The following WDPCP variants were observed in gnomAD, a reference collection of about 807,000 sequenced individuals.
The protein encoded by WDPCP is WD repeat containing planar cell polarity effector.
WDPCP carries 71 observed loss-of-function variants against 93.1 expected under a neutral mutation model. That is an observed-to-expected ratio of 0.76 (90% confidence interval 0.63 to 0.93). The LOEUF (loss-of-function observed/expected upper bound fraction) is 0.93, where lower values mean the gene tolerates loss of function less well. Ranked by LOEUF, WDPCP falls within the 40% of genes least tolerant of loss-of-function variation. The pLI, the probability that WDPCP is intolerant of heterozygous loss-of-function variation, is 0.00. For synonymous variants in WDPCP, 315 were observed against 315.0 expected (o/e 1.00, Z 0.00); for missense variants, 844 against 887.4 (o/e 0.95, Z 0.62).
chr2:63,541,680 G>A (rs1358537353), intron 1 of WDPCP, among the ~76,000 whole-genome samples: 1 of 152,086 alleles, frequency 6.6e-6, no homozygotes, highest in African/African-American at 2.4e-5. Context: ...AAGGTAAGGC[G>A]ATAAGAGTCA....
intron 1 of WDPCP, among the ~76,000 whole-genome samples, chr2:63,822,474 A>T (rs963504038): frequency 6.6e-6 from 1 of 152,188 alleles, no homozygotes; most frequent in African/African-American, 2.4e-5. Flanking sequence ...CACACACTAA[A>T]TTTGGATTTT....
chr2:63,157,028 C>CAGA (rs1672304878), intron 15 of WDPCP, among the ~76,000 whole-genome samples: 8 of 148,154 alleles, frequency 5.4e-5, no homozygotes, highest in Non-Finnish European at 7.4e-5. Flanking sequence ...AAGCCCCCTT[C>CAGA]TACTCCTAGT....
At chr2:63,353,570 G>A (rs1607207) in intron 12 of WDPCP, among the ~76,000 whole-genome samples, 121,820 of 152,098 alleles carry the variant, frequency 0.8, 49,658 homozygotes, top group East Asian at 0.97. Context: ...CTGACCAGGG[G>A]TGGAAAGGAT....
intron 1 of WDPCP, among the ~76,000 whole-genome samples, chr2:63,494,690 G>A (rs1268719803): frequency 5.3e-5 from 8 of 152,140 alleles, no homozygotes; most frequent in Non-Finnish European, 1.0e-4. Context: ...GGAGGCCGAG[G>A]CGGGGGGATC....
At chr2:63,651,523 T>C (rs1710109555) in intron 2 of WDPCP, among the ~76,000 whole-genome samples, 2 of 152,046 alleles carry the variant, frequency 1.3e-5, no homozygotes, top group African/African-American at 4.8e-5. Flanking sequence ...ATGTGCAATG[T>C]GGGGGCTGGC....
chr2:63,183,934 G>C (rs796745349), intron 14 of WDPCP, among the ~76,000 whole-genome samples: 3 of 151,738 alleles, frequency 2.0e-5, no homozygotes, highest in Non-Finnish European at 4.4e-5. Context: ...TGATATAAGC[G>C]TAGATACTCC....
chr2:63,385,260 TA>T lies in WDPCP; in HGVS notation c.1436-3167del, dbSNP rs559474120. ...AAAGGATGTCCTCTCTTACCATTTC[TA>T]TTTAATATTGTACCAGATGTCCTAG... On this transcript the variant is annotated intron_variant, in intron 10 of 17. Coordinates refer to ENST00000272321, the MANE Select transcript of WDPCP (RefSeq NM_015910.7). 8.5e-5 allele frequency among the ~76,000 whole-genome samples: 13 copies of T among 152,226 alleles called. No homozygotes were observed. In the South Asian group the frequency reaches 2.3e-3, roughly 27 times the overall value.
At chr2:63,719,665 C>T (rs1375347274) in intron 2 of WDPCP, among the ~76,000 whole-genome samples, 1 of 151,856 alleles carries the variant, frequency 6.6e-6, no homozygotes, top group South Asian at 2.1e-4. Flanking sequence ...ACAACTTGTT[C>T]CCAAGAATGT....
intron 3 of WDPCP, among the ~76,000 whole-genome samples, chr2:63,613,705 T>C (rs1186608669): frequency 1.3e-5 from 2 of 152,192 alleles, no homozygotes; most frequent in African/African-American, 4.8e-5. Context: ...CCCCAAAGTA[T>C]GATGCTTTGT....
At chr2:63,518,424 C>T (rs1702698544) in intron 1 of WDPCP, 4 of 152,374 alleles carry the variant, frequency 2.6e-5, no homozygotes, top group East Asian at 1.9e-4. Flanking sequence ...AAATGGTCAT[C>T]TGCTTTCACC....
At chr2:63,469,560 C>A (rs898760137) in intron 6 of WDPCP, among the ~76,000 whole-genome samples, 3 of 152,222 alleles carry the variant, frequency 2.0e-5, no homozygotes, top group East Asian at 1.9e-4. Context: ...ACATGGATAG[C>A]GCTGGAGGCC....
At chr2:63,388,486 C>A (rs1421211362) in intron 10 of WDPCP, among the ~76,000 whole-genome samples, 2 of 152,184 alleles carry the variant, frequency 1.3e-5, no homozygotes, top group African/African-American at 2.4e-5. Flanking sequence ...CAGAGCGCCT[C>A]TTCTCCTCCA....
At chr2:63,254,918 A>C (rs1019793304) in intron 14 of WDPCP, among the ~76,000 whole-genome samples, 1 of 152,180 alleles carries the variant, frequency 6.6e-6, no homozygotes, top group Admixed American at 6.6e-5. Flanking sequence ...GAAATGCAGG[A>C]ATATGTAAAA....
At chr2:63,740,667 A>G (rs909592460) in intron 2 of WDPCP, among the ~76,000 whole-genome samples, 1 of 152,154 alleles carries the variant, frequency 6.6e-6, no homozygotes, top group Non-Finnish European at 1.5e-5. Context: ...AACCAACATT[A>G]CTTTGCATTT....
At chr2:63,450,720 TCA>T in intron 6 of WDPCP, among the ~76,000 whole-genome samples, 1 of 152,178 alleles carries the variant, frequency 6.6e-6, no homozygotes, top group South Asian at 2.1e-4. Flanking sequence ...ACTGAGGAAA[TCA>T]CAGATACCAC....
intron 1 of WDPCP, among the ~76,000 whole-genome samples, chr2:63,577,240 A>T (rs1281940613): frequency 6.6e-6 from 1 of 152,164 alleles, no homozygotes; most frequent in Non-Finnish European, 1.5e-5. Flanking sequence ...ATCCCTTCCC[A>T]AAGTAGTTCT....
chr2:63,770,876 G>A (rs1252100908), intron 2 of WDPCP, among the ~76,000 whole-genome samples: 1 of 151,632 alleles, frequency 6.6e-6, no homozygotes, highest in African/African-American at 2.4e-5. Context: ...AATGTAAAAC[G>A]ATGTCACTCT....
At chr2:63,365,529 A>G (rs1402460207) in intron 12 of WDPCP, among the ~76,000 whole-genome samples, 1 of 152,196 alleles carries the variant, frequency 6.6e-6, no homozygotes. Flanking sequence ...GATTAGGAGT[A>G]GACTAGGACC....
At chr2:63,660,962 A>G (rs1006468422) in intron 2 of WDPCP, among the ~76,000 whole-genome samples, 4 of 152,054 alleles carry the variant, frequency 2.6e-5, no homozygotes, top group Non-Finnish European at 4.4e-5. Flanking sequence ...TCTAAACCTA[A>G]ATTTAAATTA....
Sources: allele counts gnomAD v4.1 joint callset (sites outside exome capture counted in the v4.1 genomes callset), GRCh38; gene constraint gnomAD v4.1.1; transcripts MANE v1.5; gene names NCBI Gene and HGNC (gene_info 2026-07-23, HGNC 2026-07-21).